MBD1: variants seen among roughly 807,000 people sequenced by gnomAD.
The protein encoded by MBD1 is methyl-CpG binding domain protein 1.
In MBD1, 25 loss-of-function variants were observed where a neutral mutation model predicts 82.6. The ratio of observed to expected loss-of-function variants is 0.30; its 90% confidence interval spans 0.22 to 0.42. The LOEUF is 0.42. MBD1 is among the 10% of genes least tolerant of loss of function. The pLI, the probability that MBD1 is intolerant of heterozygous loss-of-function variation, is 1.00. For synonymous variants in MBD1, 301 were observed against 303.7 expected (o/e 0.99, Z 0.09); for missense variants, 627 against 819.6 (o/e 0.76, Z 2.87).
At chr18:50,273,142 T>C in intron 13 of MBD1, 187 bp from the exon 14 acceptor site, 5 of 1,206,814 alleles carry the variant, frequency 4.1e-6, no homozygotes, top group Non-Finnish European at 5.9e-6. Flanking sequence ...TTCTGTTAGC[T>C]GGATAGCAAA....
chr18:50,278,240 T>C (rs920237248), intron 2 of MBD1, among the ~76,000 whole-genome samples: 2 of 152,232 alleles, frequency 1.3e-5, no homozygotes, highest in Non-Finnish European at 2.9e-5. Context: ...TCAAAACTAA[T>C]GAATTGTTTA....
At position 50,275,181 on chromosome 18, in the gene MBD1, GCTC is replaced by G; in HGVS notation, c.854_856del (p.Gly285del). On this transcript the variant is annotated inframe_deletion, in exon 9 of 17. Coordinates refer to ENST00000269468, the MANE Select transcript of MBD1 (RefSeq NM_015846.4). Reference sequence around the variant, plus strand: ...TGGGGGTGGTGGAGGCAGTGGCTGGGCTCCGGGGCGCCGCCTGGCAGCCATCTT... The same window carrying G: ...TGGGGGTGGTGGAGGCAGTGGCTGGGCGGGGCGCCGCCTGGCAGCCATCTT... The G allele has an allele frequency of 6.2e-7, 1 of 1,614,132 alleles. No individual in the cohort carries two copies. The highest frequency in any genetic ancestry group is 1.1e-5 in the South Asian group (1 of 91,082).
chr18:50,271,114 T>C, intron 16 of MBD1: 1 of 1,121,216 alleles, frequency 8.9e-7, no homozygotes, highest in East Asian at 5.9e-5. Flanking sequence ...GTAGAGACAC[T>C]GCCAGGTCTC....
chr18:50,279,722 A>G (rs1562004), intron 2 of MBD1, 161 bp downstream of exon 2: 344,365 of 950,520 alleles, frequency 0.36, 65,160 homozygotes, highest in East Asian at 0.59. Flanking sequence ...AGTTACAAAT[A>G]AATTTTATTA....
rs1056922036 is a variant in MBD1 at position 50,269,522 on chromosome 18, A to C, written c.*329T>G. 8.4e-6 allele frequency: 6 copies of C among 716,948 alleles called. No individual in the cohort carries two copies. In the Admixed American group the frequency reaches 1.0e-4, roughly 12 times the overall value. 44.4% of individuals were successfully genotyped at this position (716,948 alleles called of 1,614,324 possible). On this transcript the variant is annotated 3_prime_UTR_variant, in exon 17 of 17. Transcript: ENST00000269468. The stretch of plus-strand genomic sequence containing the variant: ...CACGTTGCCATGTATCTGCTAGATC[A>C]CCTCGTTGGTGTGGGCAGTAGTCAG...
chr18:50,271,581 G>T (rs371363389), intron 15 of MBD1, 41 bp from the exon 16 acceptor site: 1 of 1,612,412 alleles, frequency 6.2e-7, no homozygotes, highest in African/African-American at 1.3e-5. Flanking sequence ...AATGAGGTTT[G>T]CTATGTGCGC....
At chr18:50,277,342 T>C in intron 2 of MBD1, 138 bp from the exon 3 acceptor site, 1 of 705,798 alleles carries the variant, frequency 1.4e-6, no homozygotes, top group South Asian at 1.5e-5. Flanking sequence ...CCACCTCAAC[T>C]AACCTTGAAA....
At chr18:50,272,339 G>C (rs2035922233) in intron 15 of MBD1, 1 of 358,348 alleles carries the variant, frequency 2.8e-6, no homozygotes, top group Admixed American at 4.0e-5. Context: ...ATTATTCTCT[G>C]AATAAGAATT....
At position 50,272,798 on chromosome 18, in the gene MBD1, C is replaced by A. The variant is rs563674664; in HGVS notation, c.1716+26G>T. ...TGTTGGGGCTACAGCAGGGTCAGGG[C>A]AGGGTGGGGCATCCCCAGCACTGAC... is the stretch of plus-strand genomic sequence containing the variant. On this transcript the variant is annotated intron_variant, in intron 14 of 16. Transcript: ENST00000269468. 9 of 1,614,066 alleles carry A rather than the reference C, an allele frequency of 5.6e-6. No homozygotes were observed. The South Asian group carries it at 7.7e-5, about 14-fold the overall frequency.
rs139622890 is a variant in MBD1, at chr18:50,273,657, C to T, written c.1353G>A (p.Pro451=). The part of the protein sequence containing the change: ...QEAGGGFVLP[P]PGTDLVFLRE... ...GTAAAAACACAAGGTCAGTGCCAGG[C>T]GGGGGCAGCACAAAGCCACCACCTG... is the stretch of plus-strand genomic sequence containing the variant. Residue 451 remains proline (P), a synonymous_variant, in exon 12 of 17, where the codon CCG becomes CCA. Transcript: ENST00000269468. The T allele has an allele frequency of 1.3e-3, 2,037 of 1,613,980 alleles. 4 individuals carry two copies. The highest frequency in any genetic ancestry group is 1.6e-3 in the Non-Finnish European group (1,830 of 1,180,028).
intron 15 of MBD1, chr18:50,272,439 C>T: frequency 1.7e-6 from 1 of 574,058 alleles, no homozygotes; most frequent in Non-Finnish European, 3.1e-6. Flanking sequence ...TGATAGAGTA[C>T]CAAGTCTTTC....
At chr18:50,276,147 G>A (rs1429320003) in intron 6 of MBD1, 166 bp from the exon 7 acceptor site, 4 of 916,826 alleles carry the variant, frequency 4.4e-6, no homozygotes, top group Non-Finnish European at 6.8e-6. Context: ...GAGGCCATTA[G>A]TATGTCTACT....
chr18:50,272,243 AT>A (rs2035892217), intron 15 of MBD1, among the ~76,000 whole-genome samples: 1 of 152,064 alleles, frequency 6.6e-6, no homozygotes, highest in South Asian at 2.1e-4. Flanking sequence ...GCCCAGCACC[AT>A]TTCTCTGGTA....
chr18:50,279,780 T>C, intron 2 of MBD1, 103 bp downstream of exon 2: 1 of 1,457,834 alleles, frequency 6.9e-7, no homozygotes, highest in Non-Finnish European at 9.5e-7. Context: ...ATTAACTGTA[T>C]GTGCATAATT....
At chr18:50,270,216 T>A (rs1599207592) in intron 16 of MBD1, 1 of 1,494,766 alleles carries the variant, frequency 6.7e-7, no homozygotes, top group Non-Finnish European at 9.2e-7. Context: ...AAATGGCTAA[T>A]CCATGTCTGA....
At chr18:50,272,142 G>C (rs1278738240) in intron 15 of MBD1, among the ~76,000 whole-genome samples, 2 of 152,162 alleles carry the variant, frequency 1.3e-5, no homozygotes, top group Non-Finnish European at 2.9e-5. Context: ...AGGAAGTGCA[G>C]GGCAACCAGA....
Position 50,272,681 on chromosome 18 carries a change from G to A in MBD1, c.1774C>T (p.Pro592Ser). ...CCCTCACTGTGTGGGGCACACCTTGGCAACCAGACTGCTGTATCTCGGAAG... is the reference window on the plus strand; with the variant it reads ...CCCTCACTGTGTGGGGCACACCTTGACAACCAGACTGCTGTATCTCGGAAG... Reference protein sequence around the residue: ...TRFRDTAVWLPRSKDLKKPGA... With the variant: ...TRFRDTAVWLSRSKDLKKPGA... The change falls in exon 15 of 17, where the codon CCA becomes TCA. Residue 592 changes from proline (P) to serine (S), a missense_variant. By Grantham distance (74) the Pro-to-Ser change is moderately conservative. This residue lies in a region of MBD1 where 265 missense variants were observed against 278.4 expected (regional missense o/e 0.95). Transcript: ENST00000269468. The A allele has an allele frequency of 6.2e-7, 1 of 1,613,980 alleles. No individual in the cohort carries two copies. The highest frequency in any genetic ancestry group is 8.5e-7 in the Non-Finnish European group (1 of 1,179,976).
chr18:50,269,708 TG>T lies in MBD1; in HGVS notation c.*142del, dbSNP rs2034664251. On this transcript the variant is annotated 3_prime_UTR_variant, in exon 17 of 17. Coordinates refer to ENST00000269468, the MANE Select transcript of MBD1 (RefSeq NM_015846.4). ...AGCTGGAGGTGGTGAGAGACTGACA[TG>T]GGTTCCAGGCCATCCTCGTGGGTTC... 1 of 780,552 alleles carries T rather than the reference TG, an allele frequency of 1.3e-6. No individual in the cohort carries two copies. The highest frequency in any genetic ancestry group is 1.7e-5 in the African/African-American group (1 of 59,144). 48.4% of individuals were successfully genotyped at this position (780,552 alleles called of 1,614,324 possible). A position where few individuals can be genotyped will look rare whatever the true frequency, so the allele number is the denominator to read the frequency against.
rs200063969 is a variant in MBD1 at position 50,276,995 on chromosome 18, G to T, written c.229C>A (p.His77Asn). The change falls in exon 4 of 17, where the codon CAT becomes AAT. Residue 77 changes from histidine to asparagine, a missense_variant. Physicochemically the swap from His to Asn is moderately conservative, Grantham distance 68. Around this residue, in one of 6 missense-constraint regions of MBD1, gnomAD observed 75 missense variants for 74.7 expected, o/e 1.00. Coordinates refer to ENST00000269468, the MANE Select transcript of MBD1 (RefSeq NM_015846.4). The stretch of plus-strand genomic sequence containing the variant: ...TTCTTGCTGGCAACCGCCACGGGAT[G>T]GGCCTGGAAAGTAAGGGAAGGAGGA... ...GILCYPAPKA[H>N]PVAVASKKRK... 3.6e-4 allele frequency: 584 copies of T among 1,614,122 alleles called. 1 individual carries two copies. The highest frequency in any genetic ancestry group is 4.8e-4 in the Non-Finnish European group (561 of 1,180,056).
Sources: gnomAD v4.1 joint callset for allele counts (sites outside exome capture counted in the v4.1 genomes callset) on GRCh38, gnomAD v4.1.1 for gene constraint, gnomAD v4.1.1 regional missense constraint, MANE v1.5 for transcripts, NCBI Gene and HGNC (gene_info 2026-07-23, HGNC 2026-07-21) for gene names.